The following PTK2 variants were observed in gnomAD, a reference collection of about 807,000 sequenced individuals.
PTK2 encodes focal adhesion kinase 1.
PTK2 carries 45 observed loss-of-function variants against 150.1 expected under a neutral mutation model. The observed-to-expected ratio is 0.30, with a 90% CI of 0.24 to 0.38. The LOEUF (loss-of-function observed/expected upper bound fraction) is 0.38, where lower values mean the gene tolerates loss of function less well. PTK2 is among the 10% of genes least tolerant of loss of function. PTK2 has a pLI of 1.00. For synonymous variants in PTK2, 432 were observed against 449.2 expected (o/e 0.96, Z 0.48); for missense variants, 919 against 1,307.3 (o/e 0.70, Z 4.58).
rs187182513 is a variant in PTK2 at position 140,982,773 on chromosome 8, G to C, written c.-122+18352C>G. Among the ~76,000 whole-genome samples, 88 of 152,302 alleles carry C rather than the reference G, an allele frequency of 5.8e-4. No homozygotes were observed. The East Asian group carries it at 0.014, about 25-fold the overall frequency. On this transcript the variant is annotated intron_variant, in intron 1 of 31. Coordinates refer to ENST00000522684, the Ensembl canonical transcript of PTK2. ...TGTCCAATGTTAGCGTACGTTTTCA[G>C]AAGCAAGTTACTTCACAACTTTTAA...
chr8:140,950,997 C>T (rs2100179380), intron 1 of PTK2, among the ~76,000 whole-genome samples: 1 of 152,026 alleles, frequency 6.6e-6, no homozygotes, highest in Non-Finnish European at 1.5e-5. Context: ...TAAGTCAACA[C>T]TCCCAGAACC....
At chr8:140,874,915 G>A (rs1013915800) in intron 4 of PTK2, among the ~76,000 whole-genome samples, 7 of 152,028 alleles carry the variant, frequency 4.6e-5, no homozygotes, top group Non-Finnish European at 8.8e-5. Context: ...TTGCTTATTG[G>A]GTGCCTATTG....
intron 1 of PTK2, among the ~76,000 whole-genome samples, chr8:140,957,111 A>G (rs563356843): frequency 1.3e-5 from 2 of 152,292 alleles, no homozygotes; most frequent in East Asian, 3.9e-4. Context: ...TTTTAAAAAA[A>G]TACAGAAAAG....
At chr8:140,853,193 CTT>C (rs111550228) in intron 5 of PTK2, among the ~76,000 whole-genome samples, 1 of 113,610 alleles carries the variant, frequency 8.8e-6, no homozygotes. Flanking sequence ...ATGTCACACT[CTT>C]TTTTTTTTTT....
intron 13 of PTK2, among the ~76,000 whole-genome samples, chr8:140,791,136 C>G (rs951448322): frequency 6.6e-6 from 1 of 152,168 alleles, no homozygotes; most frequent in Admixed American, 6.5e-5. Context: ...TCCTCACTCA[C>G]TTTCATACCT....
intron 7 of PTK2, among the ~76,000 whole-genome samples, chr8:140,833,527 C>A (rs2100116793): frequency 6.6e-6 from 1 of 152,104 alleles, no homozygotes; most frequent in Admixed American, 6.5e-5. Flanking sequence ...TGTAGGCTGT[C>A]CCATTTTTAA....
At chr8:140,961,661 C>G (rs1244551402) in intron 1 of PTK2, among the ~76,000 whole-genome samples, 1 of 140,628 alleles carries the variant, frequency 7.1e-6, no homozygotes, top group East Asian at 2.1e-4. Context: ...GACTCCATCT[C>G]AAAAAGAAAA....
intron 1 of PTK2, among the ~76,000 whole-genome samples, chr8:140,945,224 T>C (rs1487296827): frequency 6.6e-6 from 1 of 152,154 alleles, no homozygotes; most frequent in African/African-American, 2.4e-5. Flanking sequence ...AAATCAACAG[T>C]TTAAGGTTAT....
chr8:140,753,946 ATATT>A (rs2154526243), intron 16 of PTK2, among the ~76,000 whole-genome samples: 1 of 152,380 alleles, frequency 6.6e-6, no homozygotes, highest in South Asian at 2.1e-4. Context: ...TAGATGTGTC[ATATT>A]TTAAAAATAC....
chr8:140,943,019 G>T (rs974687143), intron 1 of PTK2, among the ~76,000 whole-genome samples: 3 of 152,062 alleles, frequency 2.0e-5, no homozygotes, highest in Non-Finnish European at 4.4e-5. Flanking sequence ...CTTCCATCAT[G>T]AGTAAAAGCT....
intron 15 of PTK2, 145 bp from the exon 18 acceptor site, chr8:140,762,533 G>T: frequency 3.7e-6 from 1 of 268,178 alleles, no homozygotes; most frequent in Non-Finnish European, 5.9e-6. Flanking sequence ...GAATTTTAAA[G>T]AACTAAATAC....
intron 22 of PTK2, among the ~76,000 whole-genome samples, chr8:140,722,303 C>T (rs540007423): frequency 7.0e-4 from 106 of 152,216 alleles, no homozygotes; most frequent in African/African-American, 2.5e-3. Context: ...GAGACAGGGT[C>T]TAACTCTGTA....
chr8:140,658,343 G>A (rs577945634), exon 32 of PTK2: 1 of 174,752 alleles, frequency 5.7e-6, no homozygotes, highest in African/African-American at 2.4e-5. Flanking sequence ...TATCTGACAA[G>A]TCACCTGAAA....
intron 23 of PTK2, among the ~76,000 whole-genome samples, chr8:140,709,604 C>T (rs953916404): frequency 2.0e-5 from 3 of 152,170 alleles, no homozygotes; most frequent in African/African-American, 7.2e-5. Context: ...CAATAACCAG[C>T]AGCTACCTCC....
intron 8 of PTK2, among the ~76,000 whole-genome samples, chr8:140,825,035 T>C (rs920828418): frequency 2.0e-5 from 3 of 152,180 alleles, no homozygotes; most frequent in African/African-American, 7.2e-5. Flanking sequence ...CTAGCAACAA[T>C]AGATTCCTAG....
chr8:140,696,616 A>C (rs976344565), intron 26 of PTK2, among the ~76,000 whole-genome samples: 2 of 152,150 alleles, frequency 1.3e-5, no homozygotes. Flanking sequence ...AGATGACACA[A>C]AAATAATCTT....
chr8:140,764,553 C>T (rs878887658), intron 14 of PTK2: 12 of 484,330 alleles, frequency 2.5e-5, no homozygotes, highest in Admixed American at 1.5e-4. Flanking sequence ...AAAAACAGAA[C>T]GACATGAAAC....
intron 14 of PTK2, 134 bp from the exon 16 acceptor site, chr8:140,769,726 AC>A: frequency 2.4e-4 from 110 of 453,768 alleles, no homozygotes; most frequent in East Asian, 4.7e-4. Context: ...AAAATAAAAA[AC>A]AATTACCCCC....
At chr8:140,916,509 C>A (rs1177062868) in intron 2 of PTK2, among the ~76,000 whole-genome samples, 3 of 152,160 alleles carry the variant, frequency 2.0e-5, no homozygotes, top group Admixed American at 6.6e-5. Context: ...ATAAAATGCA[C>A]CTTTTCAATG....
Sources: allele counts gnomAD v4.1 joint callset (sites outside exome capture counted in the v4.1 genomes callset), GRCh38; gene constraint gnomAD v4.1.1; transcripts MANE v1.5; gene names NCBI Gene and HGNC (gene_info 2026-07-23, HGNC 2026-07-21).